The following RALGAPA1 variants were observed in gnomAD, a reference collection of about 807,000 sequenced individuals.
RALGAPA1 encodes Ral GTPase activating protein catalytic subunit alpha 1.
In RALGAPA1, 52 loss-of-function variants were observed where a neutral mutation model predicts 269.6. That is an observed-to-expected ratio of 0.19 (90% confidence interval 0.15 to 0.24). The LOEUF is 0.24. RALGAPA1 is among the 10% of genes least tolerant of loss of function. The probability of loss-of-function intolerance (pLI) is 1.00; values close to 1 mark genes in which losing one functional copy is unlikely to be tolerated. For synonymous variants in RALGAPA1, 817 were observed against 1,008.3 expected, an observed-to-expected ratio of 0.81 and a Z score of 3.60; for missense variants, 1,917 against 3,013.9, an observed-to-expected ratio of 0.64 and a Z score of 8.52.
intron 37 of RALGAPA1, among the ~76,000 whole-genome samples, chr14:35,579,667 A>G (rs1402434610): frequency 6.6e-6 from 1 of 151,448 alleles, no homozygotes; most frequent in African/African-American, 2.4e-5. Context: ...TATCTCACCC[A>G]CATAACATTT....
At chr14:35,662,711 A>C (rs1457797168) in intron 27 of RALGAPA1, among the ~76,000 whole-genome samples, 1 of 152,150 alleles carries the variant, frequency 6.6e-6, no homozygotes, top group Non-Finnish European at 1.5e-5. Context: ...TTAAAACTAC[A>C]ACTCATCCTT....
chr14:35,666,614 G>C (rs1249188918), intron 26 of RALGAPA1, among the ~76,000 whole-genome samples: 1 of 152,050 alleles, frequency 6.6e-6, no homozygotes, highest in African/African-American at 2.4e-5. Context: ...GCAATGATTT[G>C]GTTTCCTATG....
chr14:35,616,058 A>G (rs562295405), intron 35 of RALGAPA1, among the ~76,000 whole-genome samples: 1 of 152,288 alleles, frequency 6.6e-6, no homozygotes, highest in South Asian at 2.1e-4. Flanking sequence ...GGGAGCGGTA[A>G]AGGCAAGAAG....
At chr14:35,548,665 A>C in intron 40 of RALGAPA1, 127 bp from the exon 41 acceptor site, 1 of 590,458 alleles carries the variant, frequency 1.7e-6, no homozygotes, top group Non-Finnish European at 2.9e-6. Context: ...ACCCTCTTAC[A>C]CTCTTTAATT....
intron 38 of RALGAPA1, 130 bp downstream of exon 38, chr14:35,572,430 T>C (rs2057276124): frequency 3.3e-6 from 2 of 607,826 alleles, no homozygotes; most frequent in African/African-American, 3.8e-5. Flanking sequence ...TACCAGGGTC[T>C]ATGTAACATT....
At chr14:35,766,208 G>A (rs1234157562) in intron 4 of RALGAPA1, 27 of 822,636 alleles carry the variant, frequency 3.3e-5, no homozygotes, top group Non-Finnish European at 5.4e-5. Context: ...TTTCCCTGGA[G>A]GATTTGATGG....
chr14:35,712,284 T>G (rs569254870), intron 16 of RALGAPA1, among the ~76,000 whole-genome samples: 104 of 152,058 alleles, frequency 6.8e-4, no homozygotes, highest in African/African-American at 2.5e-3. Context: ...ATATTTTATT[T>G]TATTTTACTT....
intron 1 of RALGAPA1, among the ~76,000 whole-genome samples, chr14:35,804,559 ACT>A (rs1171357773): frequency 1.3e-5 from 2 of 150,614 alleles, no homozygotes; most frequent in Non-Finnish European, 2.9e-5. Context: ...ACAGAGTGAG[ACT>A]CCATCTCAAA....
chr14:35,612,541 C>CTTTTTT (rs71124709), intron 35 of RALGAPA1, among the ~76,000 whole-genome samples: 1 of 139,900 alleles, frequency 7.1e-6, no homozygotes, highest in African/African-American at 2.6e-5. Flanking sequence ...TCTTCTTCTT[C>CTTTTTT]TTTTTTTTTT....
chr14:35,748,831 TACA>T lies in RALGAPA1; in HGVS notation c.1012-10_1012-8del. 2 of 1,281,788 alleles carry T rather than the reference TACA, an allele frequency of 1.6e-6. No homozygotes were observed. Among genetic ancestry groups the T allele is most frequent in the Admixed American group, 4.2e-5 (1 of 23,558 alleles). 79.4% of individuals were successfully genotyped at this position (1,281,788 alleles called of 1,614,324 possible). ...CTAAACTAGCAGCTGCTCTCTAAAATACAAAAAAAAAAAAAAAAGAGAGAAACA... is the reference window on the plus strand; with the variant it reads ...CTAAACTAGCAGCTGCTCTCTAAAATAAAAAAAAAAAAAAAGAGAGAAACA... On this transcript the variant is annotated splice_polypyrimidine_tract_variant and splice_region_variant and intron_variant, in intron 9 of 41. Transcript: ENST00000680220.
intron 35 of RALGAPA1, among the ~76,000 whole-genome samples, chr14:35,619,091 G>A (rs1460395998): frequency 6.6e-6 from 1 of 152,010 alleles, no homozygotes; most frequent in Non-Finnish European, 1.5e-5. Flanking sequence ...GTGCAGTGAG[G>A]AAGAAGACTT....
chr14:35,702,147 T>C (rs1036318306), intron 16 of RALGAPA1, among the ~76,000 whole-genome samples: 4 of 152,182 alleles, frequency 2.6e-5, no homozygotes, highest in African/African-American at 9.7e-5. Flanking sequence ...CTACCACGTA[T>C]AAGTGCAATA....
intron 20 of RALGAPA1, 21 bp downstream of exon 20, chr14:35,684,908 T>G: frequency 6.2e-7 from 1 of 1,605,820 alleles, no homozygotes; most frequent in Non-Finnish European, 8.5e-7. Context: ...AACATAGTAT[T>G]CAAATAGAAA....
intron 4 of RALGAPA1, among the ~76,000 whole-genome samples, chr14:35,769,671 G>A (rs1595496049): frequency 6.6e-6 from 1 of 151,792 alleles, no homozygotes; most frequent in East Asian, 1.9e-4. Context: ...TGACCCTATA[G>A]GAATCGAAAG....
intron 12 of RALGAPA1, among the ~76,000 whole-genome samples, chr14:35,733,260 C>T (rs1025875093): frequency 1.3e-5 from 2 of 152,038 alleles, no homozygotes; most frequent in African/African-American, 4.8e-5. Context: ...GGCGGATCAC[C>T]TGAGTGTGGG....
intron 16 of RALGAPA1, among the ~76,000 whole-genome samples, chr14:35,708,279 T>A (rs1290972299): frequency 1.3e-5 from 2 of 152,128 alleles, no homozygotes. Flanking sequence ...AAAAACCTTC[T>A]GCACAGCAAA....
chr14:35,734,873 C>A (rs1481778400), intron 12 of RALGAPA1, among the ~76,000 whole-genome samples: 1 of 151,694 alleles, frequency 6.6e-6, no homozygotes, highest in Non-Finnish European at 1.5e-5. Context: ...CAAACGATCC[C>A]ATCAAAAAGT....
chr14:35,597,257 C>A (rs561340525), intron 36 of RALGAPA1, among the ~76,000 whole-genome samples: 1 of 152,180 alleles, frequency 6.6e-6, no homozygotes, highest in Admixed American at 6.5e-5. Flanking sequence ...ACAGATGCCA[C>A]CAACAATGTA....
chr14:35,673,101 C>T (rs1176684306), intron 24 of RALGAPA1, 79 bp from the exon 25 acceptor site: 33 of 1,274,282 alleles, frequency 2.6e-5, no homozygotes, highest in Admixed American at 7.8e-5. Flanking sequence ...ATATAGCAAA[C>T]GATGTATATA....
Sources: allele counts gnomAD v4.1 joint callset (sites outside exome capture counted in the v4.1 genomes callset), GRCh38; gene constraint gnomAD v4.1.1; transcripts MANE v1.5; gene names NCBI Gene and HGNC (gene_info 2026-07-23, HGNC 2026-07-21).